Variants in SLC25A21 observed in about 807,000 individuals in gnomAD.
SLC25A21 encodes solute carrier family 25 member 21.
In SLC25A21, 47 loss-of-function variants were observed where a neutral mutation model predicts 43.8. The ratio of observed to expected loss-of-function variants is 1.07; its 90% CI spans 0.85 to 1.37. The LOEUF (loss-of-function observed/expected upper bound fraction) is 1.37, where lower values mean the gene tolerates loss of function less well. Ranked by LOEUF, SLC25A21 falls within the 40% of genes most tolerant of loss-of-function variation. The pLI, the probability that SLC25A21 is intolerant of heterozygous loss-of-function variation, is 0.00. For missense variants in SLC25A21, 352 were observed against 350.2 expected (o/e 1.00, Z -0.04); for synonymous variants, 131 against 121.3 (o/e 1.08, Z -0.52).
intron 1 of SLC25A21, among the ~76,000 whole-genome samples, chr14:37,076,996 G>T (rs1229363777): frequency 6.6e-6 from 1 of 152,088 alleles, no homozygotes; most frequent in Non-Finnish European, 1.5e-5. Flanking sequence ...ATGAAATATT[G>T]GGGTTCCATG....
At chr14:36,814,760 G>A (rs1246033358) in intron 2 of SLC25A21, among the ~76,000 whole-genome samples, 1 of 152,162 alleles carries the variant, frequency 6.6e-6, no homozygotes, top group African/African-American at 2.4e-5. Context: ...AGACAGTGTG[G>A]CGATTCCTCA....
intron 1 of SLC25A21, among the ~76,000 whole-genome samples, chr14:37,162,981 G>T (rs1011168807): frequency 6.6e-6 from 1 of 152,180 alleles, no homozygotes; most frequent in East Asian, 1.9e-4. Flanking sequence ...ATAAGTTCAT[G>T]TCCTTTGTAG....
At chr14:36,734,453 T>C in intron 4 of SLC25A21, 54 bp downstream of exon 4, 1 of 1,364,126 alleles carries the variant, frequency 7.3e-7, no homozygotes. Context: ...TTTGTTGTGC[T>C]GAAGCTGTTA....
chr14:36,711,710 C>G (rs902032645), intron 6 of SLC25A21, among the ~76,000 whole-genome samples: 1 of 152,080 alleles, frequency 6.6e-6, no homozygotes. Context: ...AAAGAACAAA[C>G]GATTTTGATA....
intron 1 of SLC25A21, among the ~76,000 whole-genome samples, chr14:37,071,099 A>G: frequency 6.6e-6 from 1 of 152,258 alleles, no homozygotes; most frequent in South Asian, 2.1e-4. Flanking sequence ...ATGAAGCCAC[A>G]TTCCAAAATG....
rs532704295 is a variant in SLC25A21, at chr14:36,847,832, T to C, written c.119+27124A>G. Among the ~76,000 whole-genome samples, 3 of 152,302 alleles carry C rather than the reference T, an allele frequency of 2.0e-5. No individual in the cohort carries two copies. The South Asian group carries it at 6.2e-4, about 32-fold the overall frequency. ...GAAGTTGGACATTTGTACAGGATGTTTCTAGGCATGGGAGTAAGTGAACAC... is the reference window on the plus strand; with the variant it reads ...GAAGTTGGACATTTGTACAGGATGTCTCTAGGCATGGGAGTAAGTGAACAC... On this transcript the variant is annotated intron_variant, in intron 2 of 9. Transcript: ENST00000331299.
chr14:36,991,951 A>C (rs952852335), intron 1 of SLC25A21, among the ~76,000 whole-genome samples: 2 of 152,200 alleles, frequency 1.3e-5, no homozygotes, highest in Admixed American at 1.3e-4. Flanking sequence ...GATCCTTATG[A>C]GATTGGGTGA....
At chr14:36,880,711 T>C (rs955724563) in intron 1 of SLC25A21, among the ~76,000 whole-genome samples, 1 of 152,202 alleles carries the variant, frequency 6.6e-6, no homozygotes, top group Admixed American at 6.5e-5. Flanking sequence ...TTGAACCTTA[T>C]ATAAATAAGC....
In SLC25A21 at chr14:36,864,096, T is replaced by C. The variant is rs571690705; in HGVS notation, c.119+10860A>G. ...TCCAGAGGGTCCCATACATCTAGAA[T>C]GTAGACATGCAGCTTTCTGTAATAC... On this transcript the variant is annotated intron_variant, in intron 2 of 9. Transcript: ENST00000331299. Among the ~76,000 whole-genome samples the C allele has an allele frequency of 1.2e-4, 18 of 152,328 alleles. No individual in the cohort carries two copies. The South Asian group carries it at 2.3e-3, about 19-fold the overall frequency.
rs550195151 is a variant in SLC25A21 at position 37,161,887 on chromosome 14, C to T, written c.70+10394G>A. ...CTGAGGCAGGAGAACGGCGTGAACC[C>T]GGGAGGCGGAGCTTGCAGTGAGCCG... On this transcript the variant is annotated intron_variant, in intron 1 of 9. Coordinates refer to ENST00000331299, the MANE Select transcript of SLC25A21 (RefSeq NM_030631.4). Among the ~76,000 whole-genome samples the T allele has an allele frequency of 1.4e-3, 196 of 135,578 alleles. 2 individuals are homozygous for T. The highest frequency in any genetic ancestry group is 0.013 in the Admixed American group (148 of 11,442). The allele number at this position is 135,578 out of a possible 152,430, so 88.9% of individuals were successfully genotyped here. A position where few individuals can be genotyped will look rare whatever the true frequency, so the allele number is the denominator to read the frequency against.
In SLC25A21 at chr14:36,710,393, A is replaced by G. The variant is rs193224618; in HGVS notation, c.603+925T>C. Among the ~76,000 whole-genome samples, 1,259 of 150,888 alleles carry G rather than the reference A, an allele frequency of 8.3e-3. 10 individuals are homozygous for G. Among genetic ancestry groups the G allele is most frequent in the African/African-American group, 0.028 (1,171 of 41,128 alleles). On this transcript the variant is annotated intron_variant, in intron 7 of 9. Transcript: ENST00000331299. Reference sequence around the variant, plus strand: ...TGTCTCCAAGAAAAAAAAAGAAAAGAAAAGAAAAAAAAGGAAACGGGGAAA... The same window carrying G: ...TGTCTCCAAGAAAAAAAAAGAAAAGGAAAGAAAAAAAAGGAAACGGGGAAA...
chr14:37,089,364 T>G (rs893210641), intron 1 of SLC25A21, among the ~76,000 whole-genome samples: 17 of 152,186 alleles, frequency 1.1e-4, no homozygotes, highest in Admixed American at 1.3e-4. Context: ...GCAACTCAGA[T>G]AGGAAGTTAC....
In SLC25A21 at chr14:36,753,003, TG is replaced by T. The variant is rs374700737; in HGVS notation, c.204-18431del. 1.1e-3 allele frequency among the ~76,000 whole-genome samples: 167 copies of T among 152,290 alleles called. 1 individual carries two copies. The highest frequency in any genetic ancestry group is 3.9e-3 in the African/African-American group (161 of 41,574). ...ATGTGAGAACGAACTAATAAATGTA[TG>T]ATGCCATTTCTATGAGGTACCTAGA... On this transcript the variant is annotated intron_variant, in intron 3 of 9. Transcript: ENST00000331299.
At chr14:36,687,984 C>A (rs1340557470) in intron 7 of SLC25A21, among the ~76,000 whole-genome samples, 1 of 152,220 alleles carries the variant, frequency 6.6e-6, no homozygotes, top group African/African-American at 2.4e-5. Flanking sequence ...CCATTGATTT[C>A]TTTCCCACAC....
At chr14:36,977,136 A>G (rs1462808106) in intron 1 of SLC25A21, among the ~76,000 whole-genome samples, 1 of 152,098 alleles carries the variant, frequency 6.6e-6, no homozygotes, top group Non-Finnish European at 1.5e-5. Context: ...TTTTTTTTCT[A>G]ACTTGATCCA....
At chr14:37,023,626 C>T (rs1961033045) in intron 1 of SLC25A21, among the ~76,000 whole-genome samples, 1 of 151,934 alleles carries the variant, frequency 6.6e-6, no homozygotes, top group Non-Finnish European at 1.5e-5. Flanking sequence ...AGCCTCATTC[C>T]CTACTTATTT....
At chr14:36,693,231 A>G (rs1455230610) in intron 7 of SLC25A21, among the ~76,000 whole-genome samples, 1 of 152,210 alleles carries the variant, frequency 6.6e-6, no homozygotes, top group Non-Finnish European at 1.5e-5. Context: ...CCTGCTGAAC[A>G]AGGCACTGAA....
intron 1 of SLC25A21, among the ~76,000 whole-genome samples, chr14:36,892,095 A>C (rs1157752600): frequency 1.3e-5 from 2 of 152,176 alleles, no homozygotes; most frequent in African/African-American, 4.8e-5. Context: ...TTTGTCAGAC[A>C]AAAGACAACA....
At chr14:37,010,505 T>C (rs1172562123) in intron 1 of SLC25A21, among the ~76,000 whole-genome samples, 1 of 152,106 alleles carries the variant, frequency 6.6e-6, no homozygotes, top group Non-Finnish European at 1.5e-5. Context: ...AGCAGGCTGG[T>C]GCTAAACTGG....
Sources: allele counts gnomAD v4.1 joint callset (sites outside exome capture counted in the v4.1 genomes callset), GRCh38; gene constraint gnomAD v4.1.1; transcripts MANE v1.5; gene names NCBI Gene and HGNC (gene_info 2026-07-23, HGNC 2026-07-21).